Variants in GNAL observed in about 807,000 individuals in gnomAD.
GNAL encodes G protein subunit alpha L.
GNAL carries 18 observed loss-of-function variants against 55.1 expected under a neutral mutation model. The observed-to-expected ratio is 0.33, with a 90% CI of 0.23 to 0.48. The LOEUF (loss-of-function observed/expected upper bound fraction) is 0.48, where lower values mean the gene tolerates loss of function less well. Ranked by LOEUF, GNAL falls within the 20% of genes least tolerant of loss-of-function variation. The pLI is 0.99. For missense variants in GNAL, 412 were observed against 614.1 expected (o/e 0.67, Z 3.48); for synonymous variants, 253 against 237.0 (o/e 1.07, Z -0.62).
At chr18:11,770,735 A>G (rs190117176) in intron 4 of GNAL, among the ~76,000 whole-genome samples, 2 of 152,218 alleles carry the variant, frequency 1.3e-5, no homozygotes, top group Non-Finnish European at 2.9e-5. Flanking sequence ...TAAATAATCT[A>G]AATTTTAGAT....
At chr18:11,705,692 A>G (rs1303576728) in intron 1 of GNAL, among the ~76,000 whole-genome samples, 2 of 147,010 alleles carry the variant, frequency 1.4e-5, no homozygotes, top group Non-Finnish European at 3.0e-5. Flanking sequence ...TTGATTTGCC[A>G]TTTTCCTCAT....
At chr18:11,737,624 TGCCAGTGTGCCAGG>T (rs2032487482) in intron 1 of GNAL, among the ~76,000 whole-genome samples, 2 of 152,216 alleles carry the variant, frequency 1.3e-5, no homozygotes, top group Admixed American at 1.3e-4. Context: ...TGCCCAGACC[TGCCAGTGTGCCAGG>T]GCCACCCCAC....
intron 5 of GNAL, among the ~76,000 whole-genome samples, chr18:11,839,271 C>G (rs959265260): frequency 1.3e-5 from 2 of 152,000 alleles, no homozygotes; most frequent in African/African-American, 4.8e-5. Flanking sequence ...TGGCTGGGTA[C>G]AGTGGCTCAC....
At chr18:11,862,542 A>G in intron 6 of GNAL, 93 bp downstream of exon 6, 1 of 1,128,504 alleles carries the variant, frequency 8.9e-7, no homozygotes, top group Admixed American at 1.8e-5. Context: ...AATTAAGGAA[A>G]AATCCTTAAG....
chr18:11,823,097 T>G (rs1231711296), intron 4 of GNAL, among the ~76,000 whole-genome samples: 2 of 152,244 alleles, frequency 1.3e-5, no homozygotes, highest in Non-Finnish European at 2.9e-5. Flanking sequence ...GCGATGTCAC[T>G]CTCTTCATGG....
At chr18:11,833,221 G>A (rs959206281) in intron 5 of GNAL, among the ~76,000 whole-genome samples, 4 of 151,926 alleles carry the variant, frequency 2.6e-5, no homozygotes, top group African/African-American at 9.7e-5. Flanking sequence ...TAGTAGAGAT[G>A]AGGTTTCACA....
At chr18:11,767,128 C>T (rs1482045277) in intron 4 of GNAL, among the ~76,000 whole-genome samples, 1 of 152,180 alleles carries the variant, frequency 6.6e-6, no homozygotes, top group African/African-American at 2.4e-5. Flanking sequence ...CTCCCATATG[C>T]CATGCTTGCA....
chr18:11,836,382 G>T (rs1355555309), intron 5 of GNAL, among the ~76,000 whole-genome samples: 2 of 151,378 alleles, frequency 1.3e-5, no homozygotes, highest in Non-Finnish European at 2.9e-5. Context: ...GGAGGCGGAG[G>T]TTGTGGTGAG....
At chr18:11,793,980 A>G (rs918550235) in intron 4 of GNAL, among the ~76,000 whole-genome samples, 4 of 152,208 alleles carry the variant, frequency 2.6e-5, no homozygotes, top group Non-Finnish European at 5.9e-5. Flanking sequence ...CAAATGGCCA[A>G]TAAGCACATG....
At chr18:11,788,724 C>A (rs1244665788) in intron 4 of GNAL, among the ~76,000 whole-genome samples, 1 of 150,310 alleles carries the variant, frequency 6.7e-6, no homozygotes, top group East Asian at 2.0e-4. Flanking sequence ...ATGGTGAAAC[C>A]CCGTCTCTAC....
At chr18:11,852,073 C>G (rs1296713863) in intron 5 of GNAL, 1 of 1,612,200 alleles carries the variant, frequency 6.2e-7, no homozygotes, top group African/African-American at 1.3e-5. Flanking sequence ...GCAGGATGAA[C>G]TGTCTCAGAG....
At chr18:11,871,608 T>C (rs1194031942) in intron 9 of GNAL, among the ~76,000 whole-genome samples, 1 of 152,210 alleles carries the variant, frequency 6.6e-6, no homozygotes, top group Non-Finnish European at 1.5e-5. Context: ...CTTGATTCCT[T>C]TGAAGTGATG....
intron 1 of GNAL, among the ~76,000 whole-genome samples, chr18:11,711,110 C>T (rs1053439445): frequency 3.3e-5 from 5 of 152,062 alleles, no homozygotes; most frequent in African/African-American, 7.2e-5. Context: ...CTCCTGACCT[C>T]GTGATCCACC....
At chr18:11,843,193 C>T (rs964262352) in intron 5 of GNAL, among the ~76,000 whole-genome samples, 3 of 150,018 alleles carry the variant, frequency 2.0e-5, no homozygotes, top group Non-Finnish European at 3.0e-5. Flanking sequence ...AAGACCCTGT[C>T]GCTAAAAAAA....
intron 5 of GNAL, chr18:11,851,898 G>T: frequency 6.2e-7 from 1 of 1,613,856 alleles, no homozygotes; most frequent in Non-Finnish European, 8.5e-7. Context: ...ACGTCCAGAC[G>T]CAGCAAATGG....
At chr18:11,769,057 A>G (rs1441671290) in intron 4 of GNAL, among the ~76,000 whole-genome samples, 2 of 90,352 alleles carry the variant, frequency 2.2e-5, no homozygotes, top group Non-Finnish European at 3.7e-5. Context: ...TATATATAAT[A>G]TATATTATAA....
intron 5 of GNAL, chr18:11,851,462 C>T (rs1235837141): frequency 3.4e-6 from 5 of 1,480,198 alleles, no homozygotes; most frequent in Non-Finnish European, 3.6e-6. Context: ...CCTTCTCTGC[C>T]TTCGGCGCGC....
In GNAL at chr18:11,867,171, G is replaced by A. The variant is rs916010996; in HGVS notation, c.855G>A (p.Met285Ile). 1.2e-6 allele frequency: 2 copies of A among 1,609,654 alleles called. No homozygotes were observed. The highest frequency in any genetic ancestry group is 1.7e-6 in the Non-Finnish European group (2 of 1,176,052). The change falls in exon 8 of 12, where the codon ATG becomes ATA. Residue 285 changes from methionine (M) to isoleucine (I), a missense_variant. By Grantham distance (10) the Met-to-Ile change is conservative. Coordinates refer to ENST00000334049, the MANE Select transcript of GNAL (RefSeq NM_182978.4). Reference sequence around the variant, plus strand: ...TGTTCCTCTTGCTCTTCCACAGCATGTTTGATGTTGGTGGCCAGAGGGATG... The same window carrying A: ...TGTTCCTCTTGCTCTTCCACAGCATATTTGATGTTGGTGGCCAGAGGGATG... ...RFQVDKVNFH[M>I]FDVGGQRDER...
At chr18:11,777,551 T>C (rs780461516) in intron 4 of GNAL, among the ~76,000 whole-genome samples, 3 of 152,218 alleles carry the variant, frequency 2.0e-5, no homozygotes, top group Non-Finnish European at 2.9e-5. Context: ...GCAGGACAGT[T>C]GGCATGTTGA....
Sources: gnomAD v4.1 joint callset for allele counts (sites outside exome capture counted in the v4.1 genomes callset) on GRCh38, gnomAD v4.1.1 for gene constraint, MANE v1.5 for transcripts, NCBI Gene and HGNC (gene_info 2026-07-23, HGNC 2026-07-21) for gene names.